Variants in DYM observed in about 807,000 individuals in gnomAD.
DYM encodes the protein dyggve-Melchior-Clausen syndrome protein.
In DYM, 78 loss-of-function variants were observed where a neutral mutation model predicts 93.1. That is an observed-to-expected ratio of 0.84 (90% CI 0.70 to 1.01). The LOEUF is 1.01. DYM is among the 50% of genes least tolerant of loss of function. The pLI, the probability that DYM is intolerant of heterozygous loss-of-function variation, is 0.00. For missense variants in DYM, 789 were observed against 845.0 expected, an observed-to-expected ratio of 0.93 and a Z score of 0.82; for synonymous variants, 321 against 319.7, an observed-to-expected ratio of 1.00 and a Z score of -0.04.
At chr18:49,447,939 G>A (rs1474517973) in intron 1 of DYM, among the ~76,000 whole-genome samples, 1 of 152,146 alleles carries the variant, frequency 6.6e-6, no homozygotes, top group East Asian at 1.9e-4. Context: ...TTGGTCTGGA[G>A]AGCACATGGC....
chr18:49,349,945 C>A (rs2064962670), intron 6 of DYM, among the ~76,000 whole-genome samples: 1 of 152,042 alleles, frequency 6.6e-6, no homozygotes, highest in Middle Eastern at 3.4e-3. Flanking sequence ...TGACAGAGAC[C>A]CTGTCTCAAA....
At chr18:49,248,774 T>C (rs1189925113) in intron 13 of DYM, among the ~76,000 whole-genome samples, 2 of 152,136 alleles carry the variant, frequency 1.3e-5, no homozygotes, top group African/African-American at 2.4e-5. Context: ...ATATCAAGGA[T>C]TAGATATAAA....
rs538441913 is a variant in DYM at position 49,172,746 on chromosome 18, A to G, written c.1626-8959T>C. Among the ~76,000 whole-genome samples, 5 of 152,224 alleles carry G rather than the reference A, an allele frequency of 3.3e-5. No homozygotes were observed. The East Asian group carries it at 9.6e-4, about 29-fold the overall frequency. On this transcript the variant is annotated intron_variant, in intron 14 of 17. Transcript: ENST00000675505. ...TTTGTCTTTTTCATTTTCTTCAAAA[A>G]ACAGTGTCTTTTGAAGAGCAAAAAT...
intron 14 of DYM, among the ~76,000 whole-genome samples, chr18:49,180,685 GAATATAGGCT>G (rs2089842556): frequency 6.6e-6 from 1 of 152,046 alleles, no homozygotes; most frequent in African/African-American, 2.4e-5. Flanking sequence ...ATGCAGAAAG[GAATATAGGCT>G]AATTCAGACA....
chr18:49,202,518 G>T (rs1271893537), intron 14 of DYM, among the ~76,000 whole-genome samples: 1 of 135,230 alleles, frequency 7.4e-6, no homozygotes, highest in Admixed American at 7.4e-5. Context: ...GAGCGTCTCC[G>T]CCCGGCCGCC....
intron 17 of DYM, among the ~76,000 whole-genome samples, chr18:49,061,345 A>T (rs1446334925): frequency 6.6e-6 from 1 of 152,162 alleles, no homozygotes. Flanking sequence ...TCCCAGGCAG[A>T]GGAATAATAG....
intron 15 of DYM, among the ~76,000 whole-genome samples, chr18:49,154,532 T>G (rs898265638): frequency 6.6e-6 from 1 of 152,034 alleles, no homozygotes; most frequent in African/African-American, 2.4e-5. Context: ...ATATCTGGGA[T>G]TACAGTCGTG....
chr18:49,287,863 A>G (rs2059769569), intron 8 of DYM, among the ~76,000 whole-genome samples: 1 of 150,264 alleles, frequency 6.7e-6, no homozygotes, highest in African/African-American at 2.4e-5. Flanking sequence ...TGCACTGTCC[A>G]GTACAGTGGC....
At chr18:49,112,396 C>T (rs531746096) in intron 16 of DYM, among the ~76,000 whole-genome samples, 12 of 152,212 alleles carry the variant, frequency 7.9e-5, no homozygotes, top group Admixed American at 2.0e-4. Context: ...CATCTGATTT[C>T]TTTTTACCCA....
At chr18:49,242,128 T>C (rs1403943743) in intron 13 of DYM, among the ~76,000 whole-genome samples, 1 of 152,176 alleles carries the variant, frequency 6.6e-6, no homozygotes, top group African/African-American at 2.4e-5. Flanking sequence ...TAAAGTAATC[T>C]GGGCTGGGTG....
At chr18:49,364,617 T>C (rs188681125) in intron 5 of DYM, among the ~76,000 whole-genome samples, 23 of 152,252 alleles carry the variant, frequency 1.5e-4, no homozygotes, top group Non-Finnish European at 7.4e-5. Context: ...ATCTTTTCAA[T>C]TACTTTAAGC....
intron 8 of DYM, among the ~76,000 whole-genome samples, chr18:49,312,164 C>A (rs1283324375): frequency 6.6e-6 from 1 of 152,100 alleles, no homozygotes; most frequent in Admixed American, 6.6e-5. Flanking sequence ...AGGATGAAAT[C>A]AAGAACAGAG....
At chr18:49,202,767 G>C (rs1433175217) in intron 14 of DYM, among the ~76,000 whole-genome samples, 8 of 37,042 alleles carry the variant, frequency 2.2e-4, no homozygotes, top group African/African-American at 7.8e-4. Context: ...CAACCACCCC[G>C]TCTGAGAAGT....
intron 13 of DYM, among the ~76,000 whole-genome samples, chr18:49,242,380 C>T (rs1255981469): frequency 6.6e-6 from 1 of 152,092 alleles, no homozygotes; most frequent in African/African-American, 2.4e-5. Flanking sequence ...CCACTACACT[C>T]CAGCCTGTGT....
intron 12 of DYM, among the ~76,000 whole-genome samples, chr18:49,257,591 T>G (rs1016371532): frequency 1.3e-5 from 2 of 152,092 alleles, no homozygotes; most frequent in Admixed American, 6.5e-5. Context: ...ATCCCAACAC[T>G]TTGGGAGGCC....
chr18:49,237,830 A>C (rs2093916491), intron 13 of DYM, among the ~76,000 whole-genome samples: 2 of 152,244 alleles, frequency 1.3e-5, no homozygotes, highest in East Asian at 3.9e-4. Context: ...CTAATCACAT[A>C]CTACATGTAT....
intron 17 of DYM, among the ~76,000 whole-genome samples, chr18:49,076,535 T>C (rs779139542): frequency 1.3e-4 from 20 of 152,322 alleles, no homozygotes; most frequent in Non-Finnish European, 2.6e-4. Flanking sequence ...GTAATAACAG[T>C]ATAAAGTGCT....
chr18:49,310,580 G>T (rs2061531482), intron 8 of DYM, among the ~76,000 whole-genome samples: 1 of 152,060 alleles, frequency 6.6e-6, no homozygotes, highest in African/African-American at 2.4e-5. Context: ...ATTATGTGTG[G>T]CCAAAAGAAT....
chr18:49,313,126 C>T (rs577830058), intron 8 of DYM, among the ~76,000 whole-genome samples: 26 of 152,030 alleles, frequency 1.7e-4, no homozygotes, highest in East Asian at 1.9e-4. Flanking sequence ...AGGATGAGAC[C>T]GGAGGTCAAC....
Sources: allele counts gnomAD v4.1 joint callset (sites outside exome capture counted in the v4.1 genomes callset), GRCh38; gene constraint gnomAD v4.1.1; transcripts MANE v1.5; gene names NCBI Gene and HGNC (gene_info 2026-07-23, HGNC 2026-07-21).